PPM1E: variants seen among roughly 807,000 people sequenced by gnomAD.
PPM1E encodes protein phosphatase, Mg2+/Mn2+ dependent 1E.
A neutral mutation model predicts 65.9 loss-of-function variants in PPM1E; 20 were observed. The observed-to-expected ratio is 0.30, with a 90% CI of 0.21 to 0.44. The LOEUF (loss-of-function observed/expected upper bound fraction) is 0.44, where lower values mean the gene tolerates loss of function less well. Ranked by LOEUF, PPM1E falls within the 20% of genes least tolerant of loss-of-function variation. The probability of loss-of-function intolerance (pLI) is 1.00; values close to 1 mark genes in which losing one functional copy is unlikely to be tolerated. For missense variants in PPM1E, 713 were observed against 953.1 expected (o/e 0.75, Z 3.32); for synonymous variants, 352 against 374.9 (o/e 0.94, Z 0.70).
At chr17:58,814,103 C>G (rs2050393947) in intron 1 of PPM1E, among the ~76,000 whole-genome samples, 1 of 151,948 alleles carries the variant, frequency 6.6e-6, no homozygotes, top group African/African-American at 2.4e-5. Flanking sequence ...CAATAACATG[C>G]TAAAGAAGAA....
chr17:58,955,912 A>C, intron 2 of PPM1E, 145 bp downstream of exon 2: 1 of 818,660 alleles, frequency 1.2e-6, no homozygotes, highest in East Asian at 3.1e-5. Flanking sequence ...AAAAAATGCA[A>C]CTTTTTTCAA....
intron 1 of PPM1E, among the ~76,000 whole-genome samples, chr17:58,889,649 C>A (rs1184492658): frequency 6.6e-6 from 1 of 152,084 alleles, no homozygotes. Flanking sequence ...TTTTACCATA[C>A]TGCTTTTGAC....
chr17:58,917,206 T>C (rs2143521557), intron 1 of PPM1E, among the ~76,000 whole-genome samples: 1 of 135,926 alleles, frequency 7.4e-6, no homozygotes, highest in East Asian at 2.3e-4. Flanking sequence ...CGAGACTCTG[T>C]CTCAAAAAAA....
Position 58,820,175 on chromosome 17 carries a change from C to T in PPM1E, c.464+63714C>T, listed in dbSNP as rs529779567. ...AAATCCACCCCCATGATCCAGTCACCTCCCACCAGGCCCCACCTCCAACAT... is the reference window on the plus strand; with the variant it reads ...AAATCCACCCCCATGATCCAGTCACTTCCCACCAGGCCCCACCTCCAACAT... On this transcript the variant is annotated intron_variant, in intron 1 of 6. Transcript: ENST00000308249. Among the ~76,000 whole-genome samples the T allele has an allele frequency of 8.5e-5, 13 of 152,274 alleles. No homozygotes were observed. In the South Asian group the frequency reaches 1.5e-3, roughly 17 times the overall value.
intron 1 of PPM1E, chr17:58,899,485 A>G (rs1266167847): frequency 2.6e-5 from 6 of 231,206 alleles, no homozygotes; most frequent in Non-Finnish European, 5.4e-5. Context: ...TGTGTATGTC[A>G]CGTTGGTGGA....
chr17:58,982,958 G>A lies in PPM1E; in HGVS notation c.*1927G>A, dbSNP rs377668933. The A allele has an allele frequency of 3.2e-6, 5 of 1,552,734 alleles. No individual in the cohort carries two copies. Among genetic ancestry groups the A allele is most frequent in the Non-Finnish European group, 4.4e-6 (5 of 1,142,702 alleles). ...AGAAAACAAAGGCAGCAGACTATTG[G>A]TACACATTATAGTCCAAAGTGCTTA... On this transcript the variant is annotated 3_prime_UTR_variant, in exon 7 of 7. Transcript: ENST00000308249.
At chr17:58,944,276 C>T (rs1370284318) in intron 1 of PPM1E, among the ~76,000 whole-genome samples, 1 of 152,112 alleles carries the variant, frequency 6.6e-6, no homozygotes, top group Admixed American at 6.5e-5. Context: ...ATAAAATTTA[C>T]CCATTTAAAG....
intron 1 of PPM1E, among the ~76,000 whole-genome samples, chr17:58,786,890 T>C (rs543960029): frequency 6.6e-6 from 1 of 152,356 alleles, no homozygotes; most frequent in South Asian, 2.1e-4. Flanking sequence ...TCTTTGTGCA[T>C]AAGCTATTAG....
intron 1 of PPM1E, among the ~76,000 whole-genome samples, chr17:58,801,426 T>TTTTCCCC (rs1422664291): frequency 2.0e-5 from 3 of 149,572 alleles, no homozygotes; most frequent in African/African-American, 7.4e-5. Context: ...AATATTGTCT[T>TTTTCCCC]TTTCCCCTTC....
chr17:58,984,152 G>A lies in PPM1E; in HGVS notation c.*3121G>A, dbSNP rs1200629576. 1 of 152,570 alleles carries A rather than the reference G, an allele frequency of 6.6e-6. No homozygotes were observed. The highest frequency in any genetic ancestry group is 2.4e-5 in the African/African-American group (1 of 41,412). The allele number at this position is 152,570 out of a possible 1,614,324, so 9.5% of individuals were successfully genotyped here. A position where few individuals can be genotyped will look rare whatever the true frequency, so the allele number is the denominator to read the frequency against. ...AATTATTATGATTAAAGTTACTGTT[G>A]CATTTAGGAGGCTCCTTGAAAGTAA... On this transcript the variant is annotated 3_prime_UTR_variant, in exon 7 of 7. Coordinates refer to ENST00000308249, the MANE Select transcript of PPM1E (RefSeq NM_014906.5).
intron 1 of PPM1E, among the ~76,000 whole-genome samples, chr17:58,887,702 T>G (rs1313663780): frequency 6.6e-6 from 1 of 152,082 alleles, no homozygotes; most frequent in Non-Finnish European, 1.5e-5. Flanking sequence ...TCAAGTAGGG[T>G]CTTGTAAGCC....
At chr17:58,880,378 G>A (rs1263037217) in intron 1 of PPM1E, among the ~76,000 whole-genome samples, 4 of 152,110 alleles carry the variant, frequency 2.6e-5, no homozygotes, top group Non-Finnish European at 5.9e-5. Flanking sequence ...GAAGATTCAT[G>A]TTTTCTTGAA....
At chr17:58,807,911 G>C (rs2143083246) in intron 1 of PPM1E, among the ~76,000 whole-genome samples, 1 of 152,290 alleles carries the variant, frequency 6.6e-6, no homozygotes, top group Admixed American at 6.5e-5. Context: ...AAAATGTAAA[G>C]GAACGTGAAC....
intron 1 of PPM1E, among the ~76,000 whole-genome samples, chr17:58,791,281 A>G (rs1021689341): frequency 2.6e-5 from 4 of 152,250 alleles, no homozygotes; most frequent in East Asian, 1.9e-4. Flanking sequence ...AATGTAAATT[A>G]TCAGATTATC....
intron 1 of PPM1E, among the ~76,000 whole-genome samples, chr17:58,882,577 G>A (rs1008868711): frequency 9.9e-5 from 15 of 152,034 alleles, no homozygotes; most frequent in South Asian, 2.1e-4. Context: ...TTTTAGTAGA[G>A]ACAGGGTTTC....
intron 1 of PPM1E, among the ~76,000 whole-genome samples, chr17:58,782,559 G>A (rs1001397147): frequency 3.3e-5 from 5 of 151,328 alleles, no homozygotes; most frequent in African/African-American, 9.7e-5. Flanking sequence ...GTGCCACCAC[G>A]CCTGGCTAAT....
intron 1 of PPM1E, among the ~76,000 whole-genome samples, chr17:58,792,743 CTTTTTT>C (rs780992600): frequency 5.2e-5 from 4 of 76,380 alleles, no homozygotes; most frequent in East Asian, 9.4e-4. Flanking sequence ...GAATTTTACT[CTTTTTT>C]TTTTTTTTTT....
chr17:58,979,304 A>G (rs1001740900), intron 6 of PPM1E, among the ~76,000 whole-genome samples: 2 of 152,204 alleles, frequency 1.3e-5, no homozygotes, highest in Middle Eastern at 3.2e-3. Flanking sequence ...AAGCACCACT[A>G]AAAAATAGAA....
At chr17:58,839,133 C>T (rs773412700) in intron 1 of PPM1E, among the ~76,000 whole-genome samples, 2 of 152,034 alleles carry the variant, frequency 1.3e-5, no homozygotes, top group African/African-American at 2.4e-5. Context: ...GTCTGTAGAA[C>T]TTTACAGCAC....
Sources: gnomAD v4.1 joint callset for allele counts (sites outside exome capture counted in the v4.1 genomes callset) on GRCh38, gnomAD v4.1.1 for gene constraint, MANE v1.5 for transcripts, NCBI Gene and HGNC (gene_info 2026-07-23, HGNC 2026-07-21) for gene names.